Variants in DYM observed in about 807,000 individuals in gnomAD.
DYM encodes dymeclin, also known as dyggve-Melchior-Clausen syndrome protein.
DYM carries 78 observed loss-of-function variants against 93.1 expected under a neutral mutation model. That is an observed-to-expected ratio of 0.84 (90% CI 0.70 to 1.01). The LOEUF is 1.01. DYM is among the 50% of genes least tolerant of loss of function. The pLI, the probability that DYM is intolerant of heterozygous loss-of-function variation, is 0.00. For missense variants in DYM, 789 were observed against 845.0 expected (o/e 0.93, Z 0.82); for synonymous variants, 321 against 319.7 (o/e 1.00, Z -0.04).
intron 1 of DYM, among the ~76,000 whole-genome samples, chr18:49,437,205 T>C (rs2080935743): frequency 6.6e-6 from 1 of 152,214 alleles, no homozygotes; most frequent in Non-Finnish European, 1.5e-5. Context: ...TCACAGTTTC[T>C]TGGGCATCAT....
intron 8 of DYM, among the ~76,000 whole-genome samples, chr18:49,320,470 T>TTTA (rs1464156940): frequency 6.6e-6 from 1 of 152,158 alleles, no homozygotes; most frequent in South Asian, 2.1e-4. Flanking sequence ...ATTCTATTTA[T>TTTA]TTATTATTAT....
chr18:49,333,621 G>C (rs1382945152), intron 7 of DYM, 107 bp downstream of exon 7: 6 of 1,243,896 alleles, frequency 4.8e-6, no homozygotes, highest in Non-Finnish European at 7.0e-6. Flanking sequence ...AACAACTAGA[G>C]GAAATACCTG....
At chr18:49,332,257 T>C (rs774406339) in intron 7 of DYM, among the ~76,000 whole-genome samples, 1 of 152,180 alleles carries the variant, frequency 6.6e-6, no homozygotes, top group Non-Finnish European at 1.5e-5. Flanking sequence ...ATACTTTTTT[T>C]CTGCAGTGGG....
intron 17 of DYM, among the ~76,000 whole-genome samples, chr18:49,081,514 CCGAGAG>C (rs2078014859): frequency 8.7e-6 from 1 of 114,610 alleles, no homozygotes; most frequent in South Asian, 2.9e-4. Flanking sequence ...GAGAGGGAGA[CCGAGAG>C]GGAGAGGGGA....
intron 17 of DYM, among the ~76,000 whole-genome samples, chr18:49,085,720 G>A (rs2078455918): frequency 6.8e-6 from 1 of 147,216 alleles, no homozygotes; most frequent in African/African-American, 2.5e-5. Flanking sequence ...TGATTCTCCT[G>A]CCTCGGCCTC....
At chr18:49,123,301 C>T (rs893257428) in intron 15 of DYM, among the ~76,000 whole-genome samples, 5 of 152,182 alleles carry the variant, frequency 3.3e-5, no homozygotes, top group African/African-American at 1.2e-4. Flanking sequence ...AGACTGAAAC[C>T]AGGTCTCATA....
At chr18:49,260,623 G>A (rs1396890753) in intron 11 of DYM, among the ~76,000 whole-genome samples, 1 of 152,180 alleles carries the variant, frequency 6.6e-6, no homozygotes, top group Non-Finnish European at 1.5e-5. Context: ...TGCAGTATAT[G>A]AGAAAGTTCC....
chr18:49,454,366 A>G (rs1435834393), intron 1 of DYM, among the ~76,000 whole-genome samples: 1 of 152,190 alleles, frequency 6.6e-6, no homozygotes, highest in Non-Finnish European at 1.5e-5. Flanking sequence ...GAGCTTGCAC[A>G]CGATAATGCC....
chr18:49,138,026 A>G lies in DYM; in HGVS notation c.1729-19100T>C, dbSNP rs148512212. Among the ~76,000 whole-genome samples, 6 of 152,314 alleles carry G rather than the reference A, an allele frequency of 3.9e-5. No homozygotes were observed. The East Asian group carries it at 1.2e-3, about 29-fold the overall frequency. ...ATAGGAAAATGGTAGTATAAAACCA[A>G]TGTGTGTAATCTAATTGCCTTCTTA... On this transcript the variant is annotated intron_variant, in intron 15 of 17. Transcript: ENST00000675505.
chr18:49,156,219 C>T (rs905819888), intron 15 of DYM, among the ~76,000 whole-genome samples: 92 of 152,134 alleles, frequency 6.0e-4, no homozygotes, highest in African/African-American at 2.2e-3. Flanking sequence ...TAAGATTTTT[C>T]CCATTTAAAA....
chr18:49,155,298 A>T (rs2086272494), intron 15 of DYM, among the ~76,000 whole-genome samples: 1 of 152,180 alleles, frequency 6.6e-6, no homozygotes, highest in Admixed American at 6.5e-5. Flanking sequence ...AGCCATGCTG[A>T]TCTTTATCTA....
At chr18:49,391,351 G>A (rs2069234451) in intron 3 of DYM, 2 of 461,052 alleles carry the variant, frequency 4.3e-6, no homozygotes, top group South Asian at 4.9e-5. Flanking sequence ...AGAACAAGAC[G>A]AAAGAGTGTC....
At chr18:49,357,901 G>A (rs2065704411) in intron 6 of DYM, among the ~76,000 whole-genome samples, 1 of 152,166 alleles carries the variant, frequency 6.6e-6, no homozygotes, top group Non-Finnish European at 1.5e-5. Context: ...TGTAATCCCA[G>A]CACTTTAGGA....
chr18:49,393,185 G>A (rs1472333903), intron 2 of DYM, among the ~76,000 whole-genome samples: 2 of 151,724 alleles, frequency 1.3e-5, no homozygotes, highest in Non-Finnish European at 2.9e-5. Context: ...AGTAACAAGT[G>A]TTAGCAAGGA....
intron 6 of DYM, among the ~76,000 whole-genome samples, chr18:49,344,677 A>G (rs1334983608): frequency 2.0e-5 from 3 of 152,082 alleles, no homozygotes; most frequent in Admixed American, 1.3e-4. Flanking sequence ...TAATACATAT[A>G]GTAGGACAAC....
At chr18:49,177,522 G>T (rs1469131229) in intron 14 of DYM, among the ~76,000 whole-genome samples, 1 of 151,970 alleles carries the variant, frequency 6.6e-6, no homozygotes, top group Non-Finnish European at 1.5e-5. Context: ...TCTTTGGGAT[G>T]GCCATAGGAA....
At chr18:49,441,323 TATATA>T (rs1240751438) in intron 1 of DYM, among the ~76,000 whole-genome samples, 9 of 72,950 alleles carry the variant, frequency 1.2e-4, no homozygotes, top group Non-Finnish European at 2.0e-4. Flanking sequence ...TATATAATTA[TATATA>T]ATATAATTAT....
chr18:49,228,796 G>A (rs189579817), intron 13 of DYM, among the ~76,000 whole-genome samples: 1 of 152,238 alleles, frequency 6.6e-6, no homozygotes, highest in Non-Finnish European at 1.5e-5. Flanking sequence ...TGGGGGTTGG[G>A]AGGAAGTTTA....
chr18:49,186,996 T>C (rs2090505247), intron 14 of DYM, among the ~76,000 whole-genome samples: 1 of 149,294 alleles, frequency 6.7e-6, no homozygotes, highest in South Asian at 2.2e-4. Flanking sequence ...CTCGGCTCAC[T>C]GCAAGCTCCG....
Sources: gnomAD v4.1 joint callset for allele counts (sites outside exome capture counted in the v4.1 genomes callset) on GRCh38, gnomAD v4.1.1 for gene constraint, MANE v1.5 for transcripts, NCBI Gene and HGNC (gene_info 2026-07-23, HGNC 2026-07-21) for gene names.